The following TCHP variants were observed in gnomAD, a reference collection of about 807,000 sequenced individuals.
TCHP encodes the protein trichoplein keratin filament binding.
Under a neutral mutation model 88.7 loss-of-function variants are expected in TCHP, and 81 were observed. The ratio of observed to expected loss-of-function variants is 0.91; its 90% CI spans 0.76 to 1.10. TCHP has a LOEUF of 1.10. TCHP is among the 50% of genes least tolerant of loss of function. The pLI is 0.00. For missense variants in TCHP, 641 were observed against 632.1 expected (o/e 1.01, Z -0.15); for synonymous variants, 232 against 232.5 (o/e 1.00, Z 0.02).
At chr12:109,895,548 G>A (rs569173285), upstream of TCHP, among the ~76,000 whole-genome samples, 3 of 152,028 alleles carry the variant, frequency 2.0e-5, no homozygotes, top group Non-Finnish European at 4.4e-5. Context: ...ACACAAAGCT[G>A]GGGCTCTGAG....
At chr12:109,887,423 C>CAA in the TCHP span, among the ~76,000 whole-genome samples, 1 of 138,894 alleles carries the variant, frequency 7.2e-6, no homozygotes, top group Non-Finnish European at 1.6e-5. Flanking sequence ...AAAAAAAAAA[C>CAA]AAAAAAAAAA....
At chr12:109,913,167 A>G in intron 10 of TCHP, 95 bp downstream of exon 10, 1 of 1,122,098 alleles carries the variant, frequency 8.9e-7, no homozygotes, top group South Asian at 1.3e-5. Context: ...CTCTGGGAAC[A>G]GAGTCTTCTC....
chr12:109,894,014 T>C, the TCHP span, among the ~76,000 whole-genome samples: 3 of 151,930 alleles, frequency 2.0e-5, no homozygotes, highest in African/African-American at 7.3e-5. Context: ...TGAAATGCCA[T>C]CTCTACTAAA....
chr12:109,911,631 AAAG>A lies in TCHP; in HGVS notation c.1052+407_1052+409del, dbSNP rs1302775239. Among the ~76,000 whole-genome samples the A allele has an allele frequency of 2.3e-4, 35 of 150,884 alleles. No homozygotes were observed. In the South Asian group the frequency reaches 3.2e-3, roughly 14 times the overall value. On this transcript the variant is annotated intron_variant, in intron 9 of 12. Coordinates refer to ENST00000405876, the MANE Select transcript of TCHP (RefSeq NM_001143852.2). Reference sequence around the variant, plus strand: ...TGTCTCAAAAAAAAAAAAAAAAAAAAAAGAAGAAGAAGAGATAGCTGTGTATGT... The same window carrying A: ...TGTCTCAAAAAAAAAAAAAAAAAAAAAAGAAGAAGAGATAGCTGTGTATGT...
At chr12:109,894,816 C>G in the TCHP span, among the ~76,000 whole-genome samples, 1 of 151,438 alleles carries the variant, frequency 6.6e-6, no homozygotes, top group Non-Finnish European at 1.5e-5. Context: ...GGGCATTCCC[C>G]TAGCAGGTTT....
chr12:109,904,261 T>C, intron 3 of TCHP, 114 bp downstream of exon 3: 1 of 920,550 alleles, frequency 1.1e-6, no homozygotes, highest in Admixed American at 2.4e-5. Context: ...GCCAGTTAAC[T>C]CCAGAGCCAG....
the TCHP span, among the ~76,000 whole-genome samples, chr12:109,891,971 A>C: frequency 1.3e-5 from 2 of 152,290 alleles, no homozygotes; most frequent in African/African-American, 4.8e-5. Flanking sequence ...CAGCAAGTAG[A>C]AACCTTGTCT....
Position 109,906,552 on chromosome 12 carries a change from C to G in TCHP, c.457-20C>G. On this transcript the variant is annotated intron_variant, in intron 4 of 12. Transcript: ENST00000405876. ...ATCTGTCTGGTGAGGAAATTCACAT[C>G]GTCCCCCTTCCATCCTCAGATGGAG... 1.2e-6 allele frequency: 2 copies of G among 1,611,836 alleles called. No homozygotes were observed. Among genetic ancestry groups the G allele is most frequent in the Non-Finnish European group, 1.7e-6 (2 of 1,178,734 alleles).
the TCHP span, among the ~76,000 whole-genome samples, chr12:109,884,922 C>T: frequency 2.0e-5 from 3 of 152,224 alleles, no homozygotes; most frequent in South Asian, 6.2e-4. Flanking sequence ...CCACCTAATC[C>T]TCAGACCTTA....
Position 109,918,005 on chromosome 12 carries a change from C to T in TCHP, c.*1382C>T, listed in dbSNP as rs1870910879. The T allele has an allele frequency of 6.6e-6, 1 of 152,220 alleles. No homozygotes were observed. The highest frequency in any genetic ancestry group is 1.5e-5 in the Non-Finnish European group (1 of 68,050). The allele number at this position is 152,220 out of a possible 1,614,324, so 9.4% of individuals were successfully genotyped here. On this transcript the variant is annotated 3_prime_UTR_variant, in exon 13 of 13. Coordinates refer to ENST00000405876, the MANE Select transcript of TCHP (RefSeq NM_001143852.2). Reference sequence around the variant, plus strand: ...CTGAGCAGCACGTTCATCACGCATGCTCTCTGTTGCGTTCCCCATTTCAGA... The same window carrying T: ...CTGAGCAGCACGTTCATCACGCATGTTCTCTGTTGCGTTCCCCATTTCAGA...
At position 109,913,011 on chromosome 12, in the gene TCHP, G is replaced by C. The variant is rs139087904; in HGVS notation, c.1073G>C (p.Trp358Ser). Residue 358 changes from tryptophan to serine, a missense_variant, in exon 10 of 13, where the codon TGG becomes TCG. Physicochemically the swap from Trp to Ser is radical, Grantham distance 177. Transcript: ENST00000405876. ...MLLREEAKEM[W>S]EKREAEWARE... ...CCCAGGGAGGAGGCCAAGGAGATGT[G>C]GGAAAAGAGAGAGGCAGAGTGGGCC... 7.1e-5 allele frequency: 115 copies of C among 1,613,822 alleles called. No homozygotes were observed. Among genetic ancestry groups the C allele is most frequent in the Non-Finnish European group, 9.0e-5 (106 of 1,179,988 alleles).
chr12:109,916,042 T>C (rs905148357), intron 12 of TCHP, among the ~76,000 whole-genome samples: 3 of 152,214 alleles, frequency 2.0e-5, no homozygotes, highest in African/African-American at 7.2e-5. Context: ...CACAGCACCA[T>C]GGGGAGCACA....
At position 109,907,458 on chromosome 12, in the gene TCHP, G is replaced by A. The variant is rs377388795; in HGVS notation, c.526-68G>A. The A allele has an allele frequency of 6.6e-5, 100 of 1,525,168 alleles. No homozygotes were observed. In the African/African-American group the frequency reaches 1.0e-3, roughly 16 times the overall value. The allele number at this position is 1,525,168 out of a possible 1,614,324, so 94.5% of individuals were successfully genotyped here. On this transcript the variant is annotated intron_variant, in intron 5 of 12. Coordinates refer to ENST00000405876, the MANE Select transcript of TCHP (RefSeq NM_001143852.2). ...TGGGCCCTGTGGCCTGCAGAACGGCGGCAGGAAGCTAGGTTTTTGTTGGCT... is the reference window on the plus strand; with the variant it reads ...TGGGCCCTGTGGCCTGCAGAACGGCAGCAGGAAGCTAGGTTTTTGTTGGCT...
At chr12:109,897,566 CTTT>C (rs563239979), upstream of TCHP, among the ~76,000 whole-genome samples, 1 of 145,626 alleles carries the variant, frequency 6.9e-6, no homozygotes. Flanking sequence ...TTCTTTCTTT[CTTT>C]TTTTTTTTTG....
chr12:109,895,610 T>C (rs1334463833), upstream of TCHP, among the ~76,000 whole-genome samples: 2 of 152,074 alleles, frequency 1.3e-5, no homozygotes, highest in Non-Finnish European at 2.9e-5. Flanking sequence ...ACTTCTGCGG[T>C]CTTGTCTTCA....
Position 109,913,044 on chromosome 12 carries a change from G to T in TCHP, c.1106G>T (p.Arg369Leu). The T allele has an allele frequency of 4.3e-6, 7 of 1,613,890 alleles. No homozygotes were observed. The highest frequency in any genetic ancestry group is 5.1e-6 in the Non-Finnish European group (6 of 1,179,988). ...AGAGAGGCAGAGTGGGCCCGAGAGC[G>T]CAGCGCACGGGACAGACTGATGAGC... ...EKREAEWARE[R>L]SARDRLMSEV... The change falls in exon 10 of 13, where the codon CGC (arginine) becomes CTC (leucine). Residue 369 changes from arginine to leucine, a missense_variant. Physicochemically the swap from Arg to Leu is moderately radical, Grantham distance 102. Coordinates refer to ENST00000405876, the MANE Select transcript of TCHP (RefSeq NM_001143852.2).
At chr12:109,894,993 G>A in the TCHP span, among the ~76,000 whole-genome samples, 9 of 151,898 alleles carry the variant, frequency 5.9e-5, no homozygotes, top group Non-Finnish European at 1.2e-4. Context: ...TAGGGAGGGG[G>A]TCAGCAGTTG....
chr12:109,908,195 C>T (rs1870254995), intron 6 of TCHP, among the ~76,000 whole-genome samples: 3 of 152,170 alleles, frequency 2.0e-5, no homozygotes, highest in South Asian at 2.1e-4. Context: ...TTGCCCAGGC[C>T]GTGATTTAGC....
In TCHP at chr12:109,903,464, A is replaced by G. The variant is rs1473312746; in HGVS notation, c.188+250A>G. Among the ~76,000 whole-genome samples, 1 of 152,226 alleles carries G rather than the reference A, an allele frequency of 6.6e-6. No individual in the cohort carries two copies. Among genetic ancestry groups the G allele is most frequent in the Admixed American group, 6.5e-5 (1 of 15,282 alleles). On this transcript the variant is annotated intron_variant, in intron 2 of 12. Transcript: ENST00000405876. The surrounding 1 kb of genome is among the most constrained non-coding windows in gnomAD (Gnocchi z 4.6). ...TGGTTGTAACCCCATATCCCCAGAGACAGCCACAGTTAACAGTCTGGCACA... is the reference window on the plus strand; with the variant it reads ...TGGTTGTAACCCCATATCCCCAGAGGCAGCCACAGTTAACAGTCTGGCACA...
Sources: allele counts gnomAD v4.1 joint callset (sites outside exome capture counted in the v4.1 genomes callset), GRCh38; gene constraint gnomAD v4.1.1; non-coding constraint Gnocchi (gnomAD v3.1); transcripts MANE v1.5; gene names NCBI Gene and HGNC (gene_info 2026-07-23, HGNC 2026-07-21).